PCDHGA5: variants seen among roughly 807,000 people sequenced by gnomAD.
PCDHGA5 encodes protocadherin gamma subfamily A, 5, also known as protocadherin gamma-A5.
A neutral mutation model predicts 56.7 loss-of-function variants in PCDHGA5; 36 were observed. The observed-to-expected ratio is 0.64, with a 90% CI of 0.49 to 0.84. The LOEUF is 0.84. Among genes scored for constraint, PCDHGA5 ranks in the 40% least tolerant of loss-of-function variants. The probability of loss-of-function intolerance (pLI) is 0.00; values close to 1 mark genes in which losing one functional copy is unlikely to be tolerated. For missense variants in PCDHGA5, 1,305 were observed against 1,201.5 expected (o/e 1.09, Z -1.27); for synonymous variants, 563 against 520.2 (o/e 1.08, Z -1.12).
At chr5:141,385,865 G>T (rs1329915375) in intron 1 of PCDHGA5, 1 of 152,944 alleles carries the variant, frequency 6.5e-6, no homozygotes, top group Admixed American at 6.5e-5. Context: ...GTAGTAGAAG[G>T]TTGGATTTAT....
chr5:141,384,673 G>A (rs1029531424), intron 1 of PCDHGA5: 2 of 1,614,108 alleles, frequency 1.2e-6, no homozygotes, highest in South Asian at 1.1e-5. Context: ...GACCAAGGTG[G>A]TGGCGGTGGA....
chr5:141,374,078 C>A, intron 1 of PCDHGA5: 1 of 1,516,122 alleles, frequency 6.6e-7, no homozygotes, highest in Non-Finnish European at 8.8e-7. Flanking sequence ...TCCTAATAAG[C>A]CAGTAATGGC....
intron 1 of PCDHGA5, among the ~76,000 whole-genome samples, chr5:141,471,883 C>T (rs951573411): frequency 6.6e-6 from 1 of 152,084 alleles, no homozygotes; most frequent in Non-Finnish European, 1.5e-5. Flanking sequence ...GAGGCTGAAG[C>T]TAGGAAGATT....
At chr5:141,427,780 T>C (rs2097069858) in intron 1 of PCDHGA5, 1 of 1,456,004 alleles carries the variant, frequency 6.9e-7, no homozygotes. Flanking sequence ...CTGCGGGCAC[T>C]GTCGTCCTAC....
At chr5:141,462,100 G>T (rs1202526885) in intron 1 of PCDHGA5, among the ~76,000 whole-genome samples, 1 of 152,164 alleles carries the variant, frequency 6.6e-6, no homozygotes, top group Non-Finnish European at 1.5e-5. Flanking sequence ...TGGGATTACA[G>T]GCATGAGCCA....
chr5:141,467,095 C>G (rs930625426), intron 1 of PCDHGA5, among the ~76,000 whole-genome samples: 2 of 150,094 alleles, frequency 1.3e-5, no homozygotes, highest in African/African-American at 4.9e-5. Context: ...CTCTGTCACA[C>G]AGGCTGGAGT....
Position 141,364,394 on chromosome 5 carries a change from A to G in PCDHGA5, c.64A>G (p.Thr22Ala). 1.2e-6 allele frequency: 2 copies of G among 1,603,510 alleles called. No individual in the cohort carries two copies. Among genetic ancestry groups the G allele is most frequent in the South Asian group, 1.1e-5 (1 of 89,484 alleles). ...ELLLPFMLLG[T>A]LCEPGSGQIR... Reference sequence around the variant, plus strand: ...GCTGCTGCCCTTCATGCTCCTGGGGACGCTGTGCGAGCCAGGATCCGGGCA... The same window carrying G: ...GCTGCTGCCCTTCATGCTCCTGGGGGCGCTGTGCGAGCCAGGATCCGGGCA... Residue 22 changes from threonine to alanine, a missense_variant, in exon 1 of 4, where the codon ACG becomes GCG. Coordinates refer to ENST00000518069, the MANE Select transcript of PCDHGA5 (RefSeq NM_018918.3).
At position 141,382,776 on chromosome 5, in the gene PCDHGA5, A is replaced by T. The variant is rs572614689; in HGVS notation, c.2421+16025A>T. 1.1e-5 allele frequency: 9 copies of T among 809,964 alleles called. No homozygotes were observed. In the South Asian group the frequency reaches 1.8e-4, roughly 17 times the overall value. The allele number at this position is 809,964 out of a possible 1,614,324, so 50.2% of individuals were successfully genotyped here. A position where few individuals can be genotyped will look rare whatever the true frequency, so the allele number is the denominator to read the frequency against. On this transcript the variant is annotated intron_variant, in intron 1 of 3. Coordinates refer to ENST00000518069, the MANE Select transcript of PCDHGA5 (RefSeq NM_018918.3). Reference sequence around the variant, plus strand: ...TAAGCCCTCTTCCAGGCTGCACTAAACTCAAGCCTCTATCCTGCTGGATTC... The same window carrying T: ...TAAGCCCTCTTCCAGGCTGCACTAATCTCAAGCCTCTATCCTGCTGGATTC...
Position 141,364,558 on chromosome 5 carries a change from C to T in PCDHGA5, c.228C>T (p.Ala76=). Residue 76 remains alanine, a synonymous_variant, in exon 1 of 4, where the codon GCC becomes GCT. Transcript: ENST00000518069. The part of the protein sequence containing the change: ...IVSRGRTQLF[A]LNPRSGSLVT... ...CCAGAGGTAGGACGCAGCTTTTTGCCCTGAACCCGCGAAGCGGCAGCTTGG... is the reference window on the plus strand; with the variant it reads ...CCAGAGGTAGGACGCAGCTTTTTGCTCTGAACCCGCGAAGCGGCAGCTTGG... The T allele has an allele frequency of 6.2e-7, 1 of 1,614,026 alleles. No homozygotes were observed. Among genetic ancestry groups the T allele is most frequent in the Non-Finnish European group, 8.5e-7 (1 of 1,179,920 alleles).
At chr5:141,442,701 A>AG (rs1388473196) in intron 1 of PCDHGA5, among the ~76,000 whole-genome samples, 5 of 152,258 alleles carry the variant, frequency 3.3e-5, no homozygotes, top group Non-Finnish European at 7.3e-5. Flanking sequence ...AGACAAGAGT[A>AG]TCAGACATGC....
chr5:141,489,268 G>C lies in PCDHGA5; in HGVS notation c.2422-5539G>C. 6.4e-7 allele frequency: 1 copy of C among 1,553,286 alleles called. No individual in the cohort carries two copies. The highest frequency in any genetic ancestry group is 8.7e-7 in the Non-Finnish European group (1 of 1,149,780). ...GGGGCCCAAGACACTCCCACAGCTC[G>C]CTGGGAAATGGCAAGTGCTGTGCAT... On this transcript the variant is annotated intron_variant, in intron 1 of 3. Transcript: ENST00000518069. The surrounding 1 kb of genome is among the most constrained non-coding windows in gnomAD (Gnocchi z 4.5).
chr5:141,410,230 C>A (rs759582867), intron 1 of PCDHGA5: 2 of 1,614,006 alleles, frequency 1.2e-6, no homozygotes, highest in South Asian at 2.2e-5. Flanking sequence ...CAGACCTCAG[C>A]GACCGCCCTG....
chr5:141,376,111 C>T (rs1772297221), intron 1 of PCDHGA5: 1 of 1,613,704 alleles, frequency 6.2e-7, no homozygotes, highest in Admixed American at 1.7e-5. Flanking sequence ...CCGACCTGGG[C>T]AGCCTCGAGC....
rs551414580 is a variant in PCDHGA5, at chr5:141,493,693, C to T, written c.2422-1114C>T. ...GCCCCAGAATGGTGCTGGTGACTCC[C>T]GATACACCTGGAATGCTAGGTTTCT... On this transcript the variant is annotated intron_variant, in intron 1 of 3. Coordinates refer to ENST00000518069, the MANE Select transcript of PCDHGA5 (RefSeq NM_018918.3). This position sits in a 1 kb window ranked among gnomAD's most constrained non-coding sequence, Gnocchi z 4.3. 5.3e-5 allele frequency among the ~76,000 whole-genome samples: 8 copies of T among 152,168 alleles called. No individual in the cohort carries two copies. Among genetic ancestry groups the T allele is most frequent in the Non-Finnish European group, 1.0e-4 (7 of 68,032 alleles).
intron 1 of PCDHGA5, chr5:141,390,523 G>C: frequency 1.8e-6 from 1 of 556,304 alleles, no homozygotes; most frequent in Non-Finnish European, 3.1e-6. Context: ...AGCAATGAGG[G>C]TGTGGTTTTA....
chr5:141,422,398 C>T lies in PCDHGA5; in HGVS notation c.2421+55647C>T, dbSNP rs2096646163. On this transcript the variant is annotated intron_variant, in intron 1 of 3. Transcript: ENST00000518069. Reference sequence around the variant, plus strand: ...AGTCTCCTGTTTTATTCCTAACCACCTGCCTTTTAAATTAGAAAAGACTTA... The same window carrying T: ...AGTCTCCTGTTTTATTCCTAACCACTTGCCTTTTAAATTAGAAAAGACTTA... The T allele has an allele frequency of 1.9e-6, 3 of 1,597,634 alleles. No individual in the cohort carries two copies. In the Admixed American group the frequency reaches 5.3e-5, roughly 28 times the overall value.
chr5:141,436,591 G>A (rs903125499), intron 1 of PCDHGA5, among the ~76,000 whole-genome samples: 8 of 152,154 alleles, frequency 5.3e-5, no homozygotes, highest in Non-Finnish European at 1.0e-4. Context: ...TTGAAAGGTC[G>A]TGGTGATGGC....
At chr5:141,370,485 G>A (rs905115445) in intron 1 of PCDHGA5, 1 of 1,613,916 alleles carries the variant, frequency 6.2e-7, no homozygotes. Context: ...GGCTCTCTCC[G>A]AACCGATCCG....
intron 1 of PCDHGA5, chr5:141,384,587 T>C: frequency 6.2e-7 from 1 of 1,614,218 alleles, no homozygotes; most frequent in Non-Finnish European, 8.5e-7. Flanking sequence ...CCCGAGATCC[T>C]GTACCCGGCC....
Sources: allele counts gnomAD v4.1 joint callset (sites outside exome capture counted in the v4.1 genomes callset), GRCh38; gene constraint gnomAD v4.1.1; non-coding constraint Gnocchi (gnomAD v3.1); transcripts MANE v1.5; gene names NCBI Gene and HGNC (gene_info 2026-07-23, HGNC 2026-07-21).